NRDC: variants seen among roughly 807,000 people sequenced by gnomAD.
The protein encoded by NRDC is nardilysin convertase, also known as nardilysin.
Under a neutral mutation model 147.1 loss-of-function variants are expected in NRDC, and 54 were observed. The observed-to-expected ratio is 0.37, with a 90% CI of 0.29 to 0.46. The LOEUF (loss-of-function observed/expected upper bound fraction) is 0.46, where lower values mean the gene tolerates loss of function less well. Among genes scored for constraint, NRDC ranks in the 20% least tolerant of loss-of-function variants. The probability of loss-of-function intolerance (pLI) is 1.00; values close to 1 mark genes in which losing one functional copy is unlikely to be tolerated. For missense variants in NRDC, 1,082 were observed against 1,370.6 expected (o/e 0.79, Z 3.33); for synonymous variants, 440 against 482.1 (o/e 0.91, Z 1.14).
At position 51,878,578 on chromosome 1, in the gene NRDC, G is replaced by A. The variant is rs752369881; in HGVS notation, c.38C>T (p.Thr13Ile). ...RRVTVAAVCA[T>I]RRKLCEAGRE... is the part of the protein sequence containing the mutation. The stretch of plus-strand genomic sequence containing the variant: ...CCCGGCCTCACACAACTTCCTCCGG[G>A]TGGCACAGACTGCAGCAACAGTGAC... The change falls in exon 1 of 31, where the codon ACC becomes ATC. Residue 13 changes from threonine (T) to isoleucine (I), a missense_variant. Physicochemically the swap from Thr to Ile is moderately conservative, Grantham distance 89. This residue lies in a region of NRDC where 260 missense variants were observed against 253.2 expected (regional missense o/e 1.03). Transcript: ENST00000352171. 1.2e-6 allele frequency: 2 copies of A among 1,613,216 alleles called. No homozygotes were observed. The highest frequency in any genetic ancestry group is 1.7e-5 in the Admixed American group (1 of 59,824).
intron 26 of NRDC, 78 bp from the exon 27 acceptor site, chr1:51,791,739 G>A: frequency 8.3e-7 from 1 of 1,208,942 alleles, no homozygotes; most frequent in South Asian, 1.2e-5. Flanking sequence ...GATAGGAGTG[G>A]GAAAAGTTTC....
Position 51,803,950 on chromosome 1 carries a change from T to C in NRDC, c.2177A>G (p.Asp726Gly), listed in dbSNP as rs1441904062. 1 of 1,605,516 alleles carries C rather than the reference T, an allele frequency of 6.2e-7. No homozygotes were observed. Among genetic ancestry groups the C allele is most frequent in the Non-Finnish European group, 8.5e-7 (1 of 1,176,204 alleles). Residue 726 changes from aspartate (D) to glycine (G), a missense_variant, in exon 20 of 31, where the codon GAT becomes GGT. By Grantham distance (94) the Asp-to-Gly change is moderately conservative (BLOSUM62 -1). Around this residue, in one of 3 missense-constraint regions of NRDC, gnomAD observed 635 missense variants for 923.8 expected, o/e 0.69. Transcript: ENST00000352171. ...QKSAANVVLF[D>G]IFVNILTHNL... ...ATGCGTAAGGATATTGACAAAGATA[T>C]CAAAGAGGACCACACTAAGAAGTAC... is the stretch of plus-strand genomic sequence containing the variant.
chr1:51,821,798 A>C (rs945105201), intron 7 of NRDC, among the ~76,000 whole-genome samples: 3 of 152,186 alleles, frequency 2.0e-5, no homozygotes, highest in Non-Finnish European at 4.4e-5. Flanking sequence ...CAGAAAAGGC[A>C]CACAAGTTTA....
chr1:51,846,207 G>A (rs763428863), intron 1 of NRDC, among the ~76,000 whole-genome samples: 3 of 152,014 alleles, frequency 2.0e-5, no homozygotes, highest in Non-Finnish European at 4.4e-5. Context: ...CACTTCCCAG[G>A]TTCAAAGTGA....
In NRDC at chr1:51,790,903, G is replaced by A. The variant is rs1678602900; in HGVS notation, c.3048C>T (p.Thr1016=). 6 of 1,612,264 alleles carry A rather than the reference G, an allele frequency of 3.7e-6. No homozygotes were observed. The highest frequency in any genetic ancestry group is 2.2e-5 in the East Asian group (1 of 44,848). The change falls in exon 28 of 31, where the codon ACC becomes ACT. Residue 1016 remains threonine, a synonymous_variant. Coordinates refer to ENST00000352171, the MANE Select transcript of NRDC (RefSeq NM_001101662.2). ...IENLTEEAFN[T]QVTALIKLKE... is the part of the protein sequence containing the mutation. ...AAGACCAGGCTGGCACAGTCACCTGGGTGTTGAATGCCTCTTCAGTGAGGT... is the reference window on the plus strand; with the variant it reads ...AAGACCAGGCTGGCACAGTCACCTGAGTGTTGAATGCCTCTTCAGTGAGGT...
At chr1:51,845,347 C>T (rs1280255778) in intron 1 of NRDC, among the ~76,000 whole-genome samples, 1 of 152,162 alleles carries the variant, frequency 6.6e-6, no homozygotes, top group African/African-American at 2.4e-5. Flanking sequence ...AATCCCAGCA[C>T]TTCGGAAGGC....
chr1:51,848,094 T>C (rs568849838), intron 1 of NRDC, among the ~76,000 whole-genome samples: 129 of 152,352 alleles, frequency 8.5e-4, no homozygotes, highest in South Asian at 4.1e-3. Context: ...AAGACAGTCA[T>C]GAACAAAATG....
intron 1 of NRDC, among the ~76,000 whole-genome samples, chr1:51,855,535 T>TAA (rs1682192830): frequency 6.6e-6 from 1 of 152,110 alleles, no homozygotes; most frequent in African/African-American, 2.4e-5. Flanking sequence ...ATTTTAAGTT[T>TAA]TTATAAAACA....
In NRDC at chr1:51,791,670, CAG is replaced by C. The variant is rs768488197; in HGVS notation, c.2877-11_2877-10del. The C allele has an allele frequency of 1.2e-6, 2 of 1,609,630 alleles. No individual in the cohort carries two copies. Among genetic ancestry groups the C allele is most frequent in the South Asian group, 2.2e-5 (2 of 90,974 alleles). On this transcript the variant is annotated splice_polypyrimidine_tract_variant and intron_variant, in intron 26 of 30. Coordinates refer to ENST00000352171, the MANE Select transcript of NRDC (RefSeq NM_001101662.2). ...TAGGGTAGACATGGTACCTACAAGC[CAG>C]AGAGAAAAGTTATATGAGCTCAGGT... is the stretch of plus-strand genomic sequence containing the variant.
At chr1:51,863,995 A>G (rs141295044) in intron 1 of NRDC, among the ~76,000 whole-genome samples, 155 of 152,344 alleles carry the variant, frequency 1.0e-3, no homozygotes, top group African/African-American at 3.6e-3. Flanking sequence ...CATAGCCTAC[A>G]GTTGGGGAAA....
At chr1:51,791,464 C>T in intron 27 of NRDC, 114 bp downstream of exon 27, 1 of 808,104 alleles carries the variant, frequency 1.2e-6, no homozygotes, top group Non-Finnish European at 2.1e-6. Flanking sequence ...CTTCCACTGA[C>T]TAAATAGAGC....
intron 18 of NRDC, among the ~76,000 whole-genome samples, chr1:51,806,050 G>A (rs1679446090): frequency 6.6e-6 from 1 of 152,122 alleles, no homozygotes; most frequent in Admixed American, 6.5e-5. Context: ...TGGGGATATG[G>A]GTTAAATGAC....
At chr1:51,810,427 A>T in intron 15 of NRDC, 23 bp from the exon 16 acceptor site, 1 of 1,603,796 alleles carries the variant, frequency 6.2e-7, no homozygotes, top group Non-Finnish European at 8.5e-7. Flanking sequence ...GAAGAGGGGA[A>T]AGAGATACAC....
At chr1:51,859,417 AT>A (rs1208690902) in intron 1 of NRDC, among the ~76,000 whole-genome samples, 1 of 152,244 alleles carries the variant, frequency 6.6e-6, no homozygotes, top group African/African-American at 2.4e-5. Flanking sequence ...GTCTGGATGT[AT>A]GCCCACAGTG....
chr1:51,807,021 G>A, intron 17 of NRDC, 108 bp from the exon 18 acceptor site: 2 of 1,356,964 alleles, frequency 1.5e-6, no homozygotes, highest in Non-Finnish European at 2.0e-6. Flanking sequence ...GCAAAAATAA[G>A]CCAAATTCAA....
chr1:51,873,449 C>A (rs564067640), intron 1 of NRDC, among the ~76,000 whole-genome samples: 20 of 151,720 alleles, frequency 1.3e-4, no homozygotes, highest in Non-Finnish European at 2.4e-4. Flanking sequence ...CAGCACACAC[C>A]CACCCATTAT....
intron 1 of NRDC, among the ~76,000 whole-genome samples, chr1:51,849,677 A>T (rs1280476266): frequency 8.2e-4 from 124 of 150,836 alleles, no homozygotes; most frequent in African/African-American, 3.0e-3. Flanking sequence ...TTAGCCGGGC[A>T]TGGTGGCTGG....
intron 1 of NRDC, among the ~76,000 whole-genome samples, chr1:51,847,411 G>A (rs1681696556): frequency 6.6e-6 from 1 of 152,258 alleles, no homozygotes; most frequent in Admixed American, 6.5e-5. Context: ...GGATGGGACT[G>A]GGCGCCGTGG....
chr1:51,848,472 C>T (rs1381749147), intron 1 of NRDC, among the ~76,000 whole-genome samples: 1 of 152,058 alleles, frequency 6.6e-6, no homozygotes, highest in Non-Finnish European at 1.5e-5. Flanking sequence ...CAGAGCGAGA[C>T]TCCGTCTCAA....
Sources: gnomAD v4.1 joint callset for allele counts (sites outside exome capture counted in the v4.1 genomes callset) on GRCh38, gnomAD v4.1.1 for gene constraint, gnomAD v4.1.1 regional missense constraint, MANE v1.5 for transcripts, NCBI Gene and HGNC (gene_info 2026-07-23, HGNC 2026-07-21) for gene names.